AGO3: variants seen among roughly 807,000 people sequenced by gnomAD.
AGO3 encodes the protein protein argonaute-3.
Under a neutral mutation model 105.5 loss-of-function variants are expected in AGO3, and 16 were observed. The ratio of observed to expected loss-of-function variants is 0.15; its 90% CI spans 0.10 to 0.23. The LOEUF (loss-of-function observed/expected upper bound fraction) is 0.23. AGO3 is among the 10% of genes least tolerant of loss of function. AGO3 has a pLI of 1.00. For missense variants in AGO3, 534 were observed against 1,088.0 expected (o/e 0.49, Z 7.16); for synonymous variants, 340 against 367.3 (o/e 0.93, Z 0.85).
rs2148873927 is a variant in AGO3, at chr1:36,066,759, G to C, written c.*11014G>C. 1 of 152,284 alleles carries C rather than the reference G, an allele frequency of 6.6e-6. No individual in the cohort carries two copies. Among genetic ancestry groups the C allele is most frequent in the South Asian group, 2.1e-4 (1 of 4,828 alleles). The allele number at this position is 152,284 out of a possible 1,614,324, so 9.4% of individuals were successfully genotyped here. On this transcript the variant is annotated 3_prime_UTR_variant, in exon 19 of 19. Transcript: ENST00000373191. ...TGACTCTTTATTGTCAGAATCTGTA[G>C]AAACTGGAGGTCTTTGTAAAGAAAT... is the stretch of plus-strand genomic sequence containing the variant.
At chr1:36,052,666 A>T (rs961142878) in intron 17 of AGO3, among the ~76,000 whole-genome samples, 1 of 152,182 alleles carries the variant, frequency 6.6e-6, no homozygotes, top group Non-Finnish European at 1.5e-5. Context: ...ATGTGTAATT[A>T]TTATGTGTCC....
intron 1 of AGO3, among the ~76,000 whole-genome samples, chr1:35,939,514 G>A (rs910797123): frequency 6.6e-6 from 1 of 152,162 alleles, no homozygotes; most frequent in Admixed American, 6.5e-5. Flanking sequence ...GATGTTGATA[G>A]TAGGGTGTCT....
intron 2 of AGO3, among the ~76,000 whole-genome samples, chr1:35,951,386 C>T (rs941618586): frequency 1.1e-4 from 17 of 151,994 alleles, no homozygotes; most frequent in African/African-American, 4.1e-4. Flanking sequence ...ATGTTTAATG[C>T]TGATGATTTT....
rs1358500111 is a variant in AGO3, at chr1:36,050,870, A to G, written c.2275-4076A>G. ...TTTGTTTTGTTTTGTTTTGTTTGAG[A>G]CAGGGTCTCACTCTGGTGAGATCAT... On this transcript the variant is annotated intron_variant, in intron 17 of 18. Transcript: ENST00000373191. Among the ~76,000 whole-genome samples, 4 of 150,154 alleles carry G rather than the reference A, an allele frequency of 2.7e-5. No homozygotes were observed. In the East Asian group the frequency reaches 7.8e-4, roughly 29 times the overall value.
At chr1:36,020,593 A>C (rs1641163963) in intron 11 of AGO3, among the ~76,000 whole-genome samples, 1 of 152,050 alleles carries the variant, frequency 6.6e-6, no homozygotes. Flanking sequence ...AGTTATTTTT[A>C]ATAACTGCCA....
chr1:35,998,057 C>T (rs181267587), intron 5 of AGO3, among the ~76,000 whole-genome samples: 9 of 152,186 alleles, frequency 5.9e-5, no homozygotes, highest in African/African-American at 1.4e-4. Flanking sequence ...ATTTAAATGA[C>T]CTTAATACAT....
chr1:35,976,015 A>C (rs946899630), intron 5 of AGO3, among the ~76,000 whole-genome samples: 4 of 151,148 alleles, frequency 2.6e-5, no homozygotes, highest in African/African-American at 9.8e-5. Flanking sequence ...GGCTCACAGC[A>C]ACCTCCGCCT....
intron 5 of AGO3, among the ~76,000 whole-genome samples, chr1:35,993,805 T>C (rs1647945968): frequency 7.8e-6 from 1 of 128,854 alleles, no homozygotes; most frequent in Non-Finnish European, 1.6e-5. Flanking sequence ...TGGAGTGCAA[T>C]GGTGAGATCT....
chr1:36,017,009 T>C (rs1217112315), intron 11 of AGO3, among the ~76,000 whole-genome samples: 4 of 152,126 alleles, frequency 2.6e-5, no homozygotes, highest in Non-Finnish European at 5.9e-5. Context: ...CTTAGGACCT[T>C]AGCACCACTC....
At position 36,070,230 on chromosome 1, in the gene AGO3, TAAGA is replaced by T. The variant is rs1321419780; in HGVS notation, c.*14493_*14496del. 6 of 152,222 alleles carry T rather than the reference TAAGA, an allele frequency of 3.9e-5. No individual in the cohort carries two copies. The highest frequency in any genetic ancestry group is 1.3e-4 in the Admixed American group (2 of 15,274). The allele number at this position is 152,222 out of a possible 1,614,324, so 9.4% of individuals were successfully genotyped here. On this transcript the variant is annotated 3_prime_UTR_variant, in exon 19 of 19. Coordinates refer to ENST00000373191, the MANE Select transcript of AGO3 (RefSeq NM_024852.4). ...TTCTTTGAAGAAGAGGGTTAGATTTTAAGAAAGAAAGTGTGCTTATTTCACTCAT... is the reference window on the plus strand; with the variant it reads ...TTCTTTGAAGAAGAGGGTTAGATTTTAAGAAAGTGTGCTTATTTCACTCAT...
rs897640522 is a variant in AGO3 at position 36,027,637 on chromosome 1, G to A, written c.1591+339G>A. On this transcript the variant is annotated intron_variant, in intron 12 of 18. Coordinates refer to ENST00000373191, the MANE Select transcript of AGO3 (RefSeq NM_024852.4). The surrounding 1 kb of genome is among the most constrained non-coding windows in gnomAD (Gnocchi z 4.0). ...TACTAAAAATACAAAAAATTAGCTG[G>A]GCGTGGTGGTGGGCGCCTGTGGTCC... Among the ~76,000 whole-genome samples the A allele has an allele frequency of 2.6e-5, 4 of 152,084 alleles. No individual in the cohort carries two copies. The highest frequency in any genetic ancestry group is 2.9e-5 in the Non-Finnish European group (2 of 68,016).
chr1:35,954,195 TCA>T (rs1646523584), intron 2 of AGO3, among the ~76,000 whole-genome samples: 1 of 152,204 alleles, frequency 6.6e-6, no homozygotes, highest in Non-Finnish European at 1.5e-5. Flanking sequence ...TTCCTTTTAG[TCA>T]CTTGGAAGAT....
chr1:36,026,747 T>C (rs979806825), intron 11 of AGO3, among the ~76,000 whole-genome samples: 2 of 152,194 alleles, frequency 1.3e-5, no homozygotes, highest in African/African-American at 4.8e-5. Flanking sequence ...AACCCTATAG[T>C]TGAAGCAATC....
Position 36,004,461 on chromosome 1 carries a change from C to A in AGO3, c.779C>A (p.Thr260Asn). 6.3e-7 allele frequency: 1 copy of A among 1,597,004 alleles called. No individual in the cohort carries two copies. The highest frequency in any genetic ancestry group is 1.1e-5 in the South Asian group (1 of 88,048). The change falls in exon 6 of 19, where the codon ACC becomes AAC. Residue 260 changes from threonine to asparagine, a missense_variant. Thr to Asn is a moderately conservative substitution (Grantham distance 65). This residue lies in a region of AGO3 where 373 missense variants were observed against 854.0 expected (regional missense o/e 0.44). Transcript: ENST00000373191. Reference sequence around the variant, plus strand: ...ACTGATTCTCATCGGGTAAAATTCACCAAAGAGATAAAAGGTGAATTAATT... The same window carrying A: ...ACTGATTCTCATCGGGTAAAATTCAACAAAGAGATAAAAGGTGAATTAATT... ...PLTDSHRVKF[T>N]KEIKGLKVEV...
At chr1:35,950,347 A>C (rs563137312) in intron 2 of AGO3, among the ~76,000 whole-genome samples, 1 of 152,368 alleles carries the variant, frequency 6.6e-6, no homozygotes, top group Non-Finnish European at 1.5e-5. Context: ...CACATGAACA[A>C]ATATTTGGCA....
rs187883746 is a variant in AGO3 at position 36,018,600 on chromosome 1, T to C, written c.1406+4552T>C. Among the ~76,000 whole-genome samples, 410 of 151,992 alleles carry C rather than the reference T, an allele frequency of 2.7e-3. 1 individual carries two copies. Among genetic ancestry groups the C allele is most frequent in the African/African-American group, 8.9e-3 (371 of 41,458 alleles). On this transcript the variant is annotated intron_variant, in intron 11 of 18. Coordinates refer to ENST00000373191, the MANE Select transcript of AGO3 (RefSeq NM_024852.4). ...GGCATGTGCCACCATGCCTGGCTAA[T>C]TTTTTGTATTTTAGTAGAGATGGGG...
intron 5 of AGO3, among the ~76,000 whole-genome samples, chr1:35,973,920 T>G (rs1017623970): frequency 6.6e-6 from 1 of 152,210 alleles, no homozygotes; most frequent in Non-Finnish European, 1.5e-5. Flanking sequence ...TTCTTGTTTT[T>G]AGGTGTTTTC....
intron 2 of AGO3, among the ~76,000 whole-genome samples, chr1:35,964,614 C>T (rs1297832890): frequency 6.6e-6 from 1 of 152,020 alleles, no homozygotes; most frequent in African/African-American, 2.4e-5. Flanking sequence ...TATGATAGAA[C>T]AATTTATATT....
At position 36,019,515 on chromosome 1, in the gene AGO3, T is replaced by A. The variant is rs184386188; in HGVS notation, c.1406+5467T>A. Among the ~76,000 whole-genome samples, 44 of 152,334 alleles carry A rather than the reference T, an allele frequency of 2.9e-4. 1 individual carries two copies. The highest frequency in any genetic ancestry group is 2.6e-3 in the Admixed American group (39 of 15,292). On this transcript the variant is annotated intron_variant, in intron 11 of 18. Transcript: ENST00000373191. ...GCAATGTTCTATGAGAGAAACACAT[T>A]TCCTAATAACCTTTTAGCTGCTGTT... is the stretch of plus-strand genomic sequence containing the variant.
Sources: gnomAD v4.1 joint callset for allele counts (sites outside exome capture counted in the v4.1 genomes callset) on GRCh38, gnomAD v4.1.1 for gene constraint, gnomAD v4.1.1 regional missense constraint, Gnocchi (gnomAD v3.1) non-coding constraint, MANE v1.5 for transcripts, NCBI Gene and HGNC (gene_info 2026-07-23, HGNC 2026-07-21) for gene names.